The following FAM120B variants were observed in gnomAD, a reference collection of about 807,000 sequenced individuals.
FAM120B encodes constitutive coactivator of peroxisome proliferator-activated receptor gamma.
In FAM120B, 83 loss-of-function variants were observed where a neutral mutation model predicts 96.3. That is an observed-to-expected ratio of 0.86 (90% CI 0.72 to 1.03). FAM120B has a LOEUF of 1.03. Ranked by LOEUF, FAM120B falls within the 50% of genes least tolerant of loss-of-function variation. FAM120B has a pLI of 0.00. For synonymous variants in FAM120B, 407 were observed against 402.7 expected, an observed-to-expected ratio of 1.01 and a Z score of -0.13; for missense variants, 1,027 against 1,121.2, an observed-to-expected ratio of 0.92 and a Z score of 1.20.
At chr6:170,382,639 G>T (rs75837349) in intron 6 of FAM120B, among the ~76,000 whole-genome samples, 5 of 125,274 alleles carry the variant, frequency 4.0e-5, no homozygotes, top group African/African-American at 1.3e-4. Flanking sequence ...ACTGATAAAA[G>T]AAATCAAAGC....
chr6:170,333,040 A>G (rs1182598868), intron 4 of FAM120B, among the ~76,000 whole-genome samples: 2 of 152,160 alleles, frequency 1.3e-5, no homozygotes, highest in Admixed American at 6.5e-5. Flanking sequence ...GTGCAGAAAA[A>G]AACTATAGAA....
chr6:170,393,290 G>C (rs1790569209), intron 8 of FAM120B, among the ~76,000 whole-genome samples: 1 of 152,212 alleles, frequency 6.6e-6, no homozygotes, highest in Non-Finnish European at 1.5e-5. Flanking sequence ...GGTGGCAGTA[G>C]GCGTGGCGGT....
rs529308932 is a variant in FAM120B, at chr6:170,370,153, G to C, written c.2283+11835G>C. Among the ~76,000 whole-genome samples the C allele has an allele frequency of 9.2e-5, 14 of 152,282 alleles. No homozygotes were observed. The highest frequency in any genetic ancestry group is 3.1e-4 in the African/African-American group (13 of 41,572). Reference sequence around the variant, plus strand: ...GAGACGGAGACTCTCAGTTGCCCTTGAGCTTTCCTGGCCCTGCTCTCTGCA... The same window carrying C: ...GAGACGGAGACTCTCAGTTGCCCTTCAGCTTTCCTGGCCCTGCTCTCTGCA... On this transcript the variant is annotated intron_variant, in intron 6 of 10. Coordinates refer to ENST00000476287, the MANE Select transcript of FAM120B (RefSeq NM_032448.3). This position sits in a 1 kb window ranked among gnomAD's most constrained non-coding sequence, Gnocchi z 4.3.
upstream of FAM120B, among the ~76,000 whole-genome samples, chr6:170,302,921 AG>A (rs1784172274): frequency 3.3e-5 from 5 of 152,270 alleles, no homozygotes; most frequent in South Asian, 8.3e-4. Flanking sequence ...GAGACCTTGA[AG>A]TAATATTTGA....
chr6:170,395,633 C>T (rs1790689205), intron 9 of FAM120B, 54 bp downstream of exon 9: 1 of 1,333,844 alleles, frequency 7.5e-7, no homozygotes, highest in Non-Finnish European at 1.1e-6. Context: ...CTGCCTCTCA[C>T]CTTGTGCTTT....
At chr6:170,396,584 C>G (rs549360250) in intron 9 of FAM120B, among the ~76,000 whole-genome samples, 47 of 152,258 alleles carry the variant, frequency 3.1e-4, no homozygotes, top group African/African-American at 1.1e-3. Flanking sequence ...AAACTCAACC[C>G]CACCGAGTCG....
intron 1 of FAM120B, among the ~76,000 whole-genome samples, chr6:170,308,464 G>C (rs1263406370): frequency 2.0e-5 from 3 of 152,062 alleles, no homozygotes; most frequent in Non-Finnish European, 4.4e-5. Flanking sequence ...TACAGTAGGT[G>C]ACATCTGGGG....
chr6:170,399,289 G>A lies in FAM120B; in HGVS notation c.2692+3710G>A, dbSNP rs59902845. ...TGTCATAACTCTTAGTAGTGAGTGG[G>A]GAAGGTAGAACTATGTCATAACTCT... On this transcript the variant is annotated intron_variant, in intron 9 of 10. Coordinates refer to ENST00000476287, the MANE Select transcript of FAM120B (RefSeq NM_032448.3). 8.1e-3 allele frequency among the ~76,000 whole-genome samples: 1,165 copies of A among 144,248 alleles called. 73 individuals are homozygous for A. The highest frequency in any genetic ancestry group is 0.031 in the African/African-American group (1,121 of 36,194). 94.6% of individuals were successfully genotyped at this position (144,248 alleles called of 152,430 possible). A position where few individuals can be genotyped will look rare whatever the true frequency, so the allele number is the denominator to read the frequency against.
upstream of FAM120B, among the ~76,000 whole-genome samples, chr6:170,302,753 C>A (rs1784168620): frequency 1.3e-5 from 2 of 152,086 alleles, no homozygotes; most frequent in Non-Finnish European, 2.9e-5. Flanking sequence ...GATTTTTTCC[C>A]ACACTGATAA....
At chr6:170,336,926 T>C (rs1256281031) in intron 4 of FAM120B, among the ~76,000 whole-genome samples, 3 of 151,984 alleles carry the variant, frequency 2.0e-5, no homozygotes, top group Non-Finnish European at 4.4e-5. Flanking sequence ...CCTTAAGGAG[T>C]TTTTGGGCTG....
At chr6:170,356,755 C>G (rs557633310) in intron 5 of FAM120B, among the ~76,000 whole-genome samples, 1 of 152,256 alleles carries the variant, frequency 6.6e-6, no homozygotes, top group South Asian at 2.1e-4. Flanking sequence ...CCTGTATTGT[C>G]AGGGGTCAAC....
chr6:170,397,180 C>CT (rs1162731853), intron 9 of FAM120B, among the ~76,000 whole-genome samples: 1 of 152,216 alleles, frequency 6.6e-6, no homozygotes, highest in African/African-American at 2.4e-5. Context: ...GTCTGGGCTT[C>CT]TGAGTCTTTG....
chr6:170,365,814 G>A (rs948619652), intron 6 of FAM120B, among the ~76,000 whole-genome samples: 6 of 150,076 alleles, frequency 4.0e-5, no homozygotes, highest in South Asian at 2.1e-4. Context: ...CTGGAATCAC[G>A]GAAGGAACAC....
At chr6:170,372,193 TTTAA>T (rs1266448742) in intron 6 of FAM120B, among the ~76,000 whole-genome samples, 4 of 152,178 alleles carry the variant, frequency 2.6e-5, no homozygotes, top group African/African-American at 4.8e-5. Flanking sequence ...TACTCTCAGT[TTTAA>T]TTAAAATTTT....
chr6:170,404,563 T>C lies in FAM120B; in HGVS notation c.2706T>C (p.Tyr902=), dbSNP rs781714144. The change falls in exon 10 of 11, where the codon TAT becomes TAC. Residue 902 remains tyrosine (Y), a synonymous_variant. Transcript: ENST00000476287. ...TGTTTACTGCAGGAAGCAGACAGTA[T>C]GAGCATGACCAGTGGAGAAGGTACT... ...WRDQGPGSRQ[Y]EHDQWRRY 7 of 1,614,066 alleles carry C rather than the reference T, an allele frequency of 4.3e-6. No individual in the cohort carries two copies. The East Asian group carries it at 1.6e-4, about 36-fold the overall frequency.
intron 2 of FAM120B, among the ~76,000 whole-genome samples, chr6:170,322,177 A>G (rs865932758): frequency 2.0e-5 from 3 of 152,268 alleles, no homozygotes; most frequent in Admixed American, 6.5e-5. Flanking sequence ...TCTTGACATT[A>G]CAGAGGAGAA....
chr6:170,323,187 T>C lies in FAM120B; in HGVS notation c.1843T>C (p.Leu615=), dbSNP rs750538653. The change falls in exon 3 of 11, where the codon TTA becomes CTA. Residue 615 remains leucine (L), a synonymous_variant. Transcript: ENST00000476287. ...NTLEDELDQA[L]PSQAFIYRPI... is the part of the protein sequence containing the mutation. ...CCTAGAAGATGAGCTTGACCAGGCC[T>C]TACCCAGCCAGGCCTTCATTTACCG... is the stretch of plus-strand genomic sequence containing the variant. 6.2e-7 allele frequency: 1 copy of C among 1,614,160 alleles called. No individual in the cohort carries two copies. The highest frequency in any genetic ancestry group is 1.1e-5 in the South Asian group (1 of 91,080).
Position 170,317,936 on chromosome 6 carries a change from C to A in FAM120B, c.546C>A (p.Tyr182Ter), listed in dbSNP as rs760622450. Residue 182 changes from tyrosine to a stop codon, truncating the protein, a stop_gained, in exon 2 of 11, where the codon TAC becomes TAA. Coordinates refer to ENST00000476287, the MANE Select transcript of FAM120B (RefSeq NM_032448.3). LOFTEE classifies it high-confidence loss of function. ...GGATTCTGGGGGAAGACACTGATTACCTAATCTATGACACTTGTCCCTACT... is the reference window on the plus strand; with the variant it reads ...GGATTCTGGGGGAAGACACTGATTAACTAATCTATGACACTTGTCCCTACT... Reference protein sequence around the residue: ...CLGILGEDTDYLIYDTCPYFS... With the variant: ...CLGILGEDTD 3 of 1,614,156 alleles carry A rather than the reference C, an allele frequency of 1.9e-6. No homozygotes were observed. Among genetic ancestry groups the A allele is most frequent in the Non-Finnish European group, 2.5e-6 (3 of 1,180,008 alleles).
intron 9 of FAM120B, chr6:170,404,115 C>G (rs1162145880): frequency 1.2e-5 from 2 of 162,620 alleles, no homozygotes; most frequent in African/African-American, 2.4e-5. Context: ...CGAGTCTCTT[C>G]CCAACGTTCC....
Sources: gnomAD v4.1 joint callset for allele counts (sites outside exome capture counted in the v4.1 genomes callset) on GRCh38, gnomAD v4.1.1 for gene constraint, Gnocchi (gnomAD v3.1) non-coding constraint, MANE v1.5 for transcripts, NCBI Gene and HGNC (gene_info 2026-07-23, HGNC 2026-07-21) for gene names.